The following MERTK variants were observed in gnomAD, a reference collection of about 807,000 sequenced individuals.
The protein encoded by MERTK is MER proto-oncogene, tyrosine kinase, also known as tyrosine-protein kinase Mer.
In MERTK, 69 loss-of-function variants were observed where a neutral mutation model predicts 99.3. The ratio of observed to expected loss-of-function variants is 0.70; its 90% confidence interval spans 0.57 to 0.85. MERTK has a LOEUF of 0.85. Ranked by LOEUF, MERTK falls within the 40% of genes least tolerant of loss-of-function variation. The probability of loss-of-function intolerance (pLI) is 0.00; values close to 1 mark genes in which losing one functional copy is unlikely to be tolerated. For synonymous variants in MERTK, 426 were observed against 467.6 expected, an observed-to-expected ratio of 0.91 and a Z score of 1.15; for missense variants, 1,125 against 1,249.4, an observed-to-expected ratio of 0.90 and a Z score of 1.50.
intron 1 of MERTK, among the ~76,000 whole-genome samples, chr2:111,909,318 G>C (rs1391207945): frequency 6.6e-6 from 1 of 152,162 alleles, no homozygotes; most frequent in East Asian, 1.9e-4. Flanking sequence ...GGAATGTAAT[G>C]AAAGCCCACC....
At chr2:111,990,424 T>A in intron 8 of MERTK, among the ~76,000 whole-genome samples, 1 of 152,212 alleles carries the variant, frequency 6.6e-6, no homozygotes. Flanking sequence ...AGCATCTTTG[T>A]CATATTTTGA....
intron 4 of MERTK, among the ~76,000 whole-genome samples, chr2:111,964,032 A>C (rs1685307783): frequency 1.8e-5 from 1 of 54,870 alleles, no homozygotes; most frequent in South Asian, 6.4e-4. Flanking sequence ...CTCCACTCAA[A>C]AATTTTCTTT....
intron 15 of MERTK, among the ~76,000 whole-genome samples, chr2:112,015,609 CT>C: frequency 6.6e-6 from 1 of 152,054 alleles, no homozygotes; most frequent in Admixed American, 6.5e-5. Flanking sequence ...TTTCCAGAGA[CT>C]GTTTTCCAAG....
At chr2:111,909,808 A>G (rs950390694) in intron 1 of MERTK, among the ~76,000 whole-genome samples, 4 of 152,108 alleles carry the variant, frequency 2.6e-5, no homozygotes, top group Non-Finnish European at 5.9e-5. Context: ...ATTATTGGGC[A>G]TGAGAATAAG....
intron 16 of MERTK, 94 bp from the exon 17 acceptor site, chr2:112,021,328 A>G (rs1354156050): frequency 6.4e-7 from 1 of 1,572,212 alleles, no homozygotes; most frequent in Non-Finnish European, 8.7e-7. Context: ...TCTTTTGGTC[A>G]ATTATCATAA....
intron 1 of MERTK, among the ~76,000 whole-genome samples, chr2:111,920,214 C>G (rs530465041): frequency 6.6e-6 from 1 of 152,348 alleles, no homozygotes; most frequent in Admixed American, 6.5e-5. Flanking sequence ...GTTTTACAGG[C>G]AACTTCACGT....
At chr2:111,938,878 G>A (rs1255842983) in intron 2 of MERTK, among the ~76,000 whole-genome samples, 1 of 152,110 alleles carries the variant, frequency 6.6e-6, no homozygotes, top group Non-Finnish European at 1.5e-5. Context: ...GTAATCCTAT[G>A]TATGTCTGTA....
chr2:111,936,153 T>A (rs1309855802), intron 2 of MERTK, among the ~76,000 whole-genome samples: 4 of 152,132 alleles, frequency 2.6e-5, no homozygotes, highest in Admixed American at 6.5e-5. Context: ...CCTGACCTCA[T>A]GATCTGCCCG....
intron 17 of MERTK, among the ~76,000 whole-genome samples, 154 bp from the exon 18 acceptor site, chr2:112,022,104 T>C (rs1348051750): frequency 1.3e-5 from 2 of 152,216 alleles, no homozygotes; most frequent in African/African-American, 4.8e-5. Flanking sequence ...AACCCCACGT[T>C]ATTGCCGCGT....
In MERTK at chr2:112,028,367, T is replaced by C; in HGVS notation, c.2503T>C (p.Ser835Pro). The change falls in exon 19 of 19, where the codon TCT (serine) becomes CCT (proline). Residue 835 changes from serine (S) to proline (P), a missense_variant. Physicochemically the swap from Ser to Pro is moderately conservative, Grantham distance 74 (BLOSUM62 -1). Transcript: ENST00000295408. Reference sequence around the variant, plus strand: ...AACTTTCAGGTATGAAATAATGTACTCTTGCTGGAGAACCGATCCCTTAGA... The same window carrying C: ...AACTTTCAGGTATGAAATAATGTACCCTTGCTGGAGAACCGATCCCTTAGA... ...CLDELYEIMYSCWRTDPLDRP... is the reference protein window; with the variant it reads ...CLDELYEIMYPCWRTDPLDRP... 6.2e-7 allele frequency: 1 copy of C among 1,614,194 alleles called. No homozygotes were observed. Among genetic ancestry groups the C allele is most frequent in the Non-Finnish European group, 8.5e-7 (1 of 1,180,020 alleles).
chr2:111,972,231 A>G (rs998821622), intron 6 of MERTK, among the ~76,000 whole-genome samples: 3 of 152,184 alleles, frequency 2.0e-5, no homozygotes, highest in Admixed American at 6.5e-5. Context: ...TAGTTTCACC[A>G]TGTCACCCAG....
intron 18 of MERTK, chr2:112,022,600 C>T (rs753447809): frequency 7.4e-6 from 6 of 813,178 alleles, no homozygotes; most frequent in Non-Finnish European, 8.6e-6. Context: ...AGTGAGCCCA[C>T]TGAGGCTCAC....
At chr2:111,943,969 A>G (rs1040326316) in intron 2 of MERTK, among the ~76,000 whole-genome samples, 5 of 152,124 alleles carry the variant, frequency 3.3e-5, no homozygotes, top group Non-Finnish European at 5.9e-5. Flanking sequence ...CAGTACCCCA[A>G]TGCAGAGAAC....
chr2:111,968,693 C>A (rs1241008840), intron 6 of MERTK, among the ~76,000 whole-genome samples: 3 of 151,938 alleles, frequency 2.0e-5, no homozygotes, highest in African/African-American at 7.3e-5. Context: ...CCATGCCCGG[C>A]TAAGTTTGCA....
At chr2:111,989,025 C>T (rs892163766) in intron 8 of MERTK, among the ~76,000 whole-genome samples, 3 of 152,124 alleles carry the variant, frequency 2.0e-5, no homozygotes, top group Non-Finnish European at 2.9e-5. Context: ...GGGTAACTGC[C>T]GCAGAGTCAT....
intron 1 of MERTK, among the ~76,000 whole-genome samples, chr2:111,905,064 A>C (rs753452029): frequency 1.3e-5 from 2 of 152,260 alleles, no homozygotes; most frequent in African/African-American, 4.8e-5. Context: ...CATTAGGATC[A>C]GCAGGCCCCT....
chr2:112,029,399 A>AC lies in MERTK; in HGVS notation c.*536dup. The AC allele has an allele frequency of 1.1e-6, 1 of 914,706 alleles. No individual in the cohort carries two copies. The highest frequency in any genetic ancestry group is 1.3e-6 in the Non-Finnish European group (1 of 765,332). The allele number at this position is 914,706 out of a possible 1,614,324, so 56.7% of individuals were successfully genotyped here. ...GTTGAACTTACTTGAGACTTGAAAG[A>AC]CAGTGGTCGGCAGCGGCCTTGTGGC... is the stretch of plus-strand genomic sequence containing the variant. On this transcript the variant is annotated 3_prime_UTR_variant, in exon 19 of 19. Coordinates refer to ENST00000295408, the MANE Select transcript of MERTK (RefSeq NM_006343.3).
At chr2:111,968,326 A>T in intron 6 of MERTK, 74 bp downstream of exon 6, 1 of 1,237,732 alleles carries the variant, frequency 8.1e-7, no homozygotes, top group Admixed American at 1.8e-5. Context: ...CTTCCTTCCA[A>T]GGATGGGCAT....
chr2:111,977,038 T>G (rs1226754708), intron 7 of MERTK, among the ~76,000 whole-genome samples: 1 of 152,166 alleles, frequency 6.6e-6, no homozygotes, highest in Non-Finnish European at 1.5e-5. Context: ...TTTTGTTCAG[T>G]CAGTAATCTT....
Sources: gnomAD v4.1 joint callset for allele counts (sites outside exome capture counted in the v4.1 genomes callset) on GRCh38, gnomAD v4.1.1 for gene constraint, MANE v1.5 for transcripts, NCBI Gene and HGNC (gene_info 2026-07-23, HGNC 2026-07-21) for gene names.